The following C6orf118 variants were observed in gnomAD, a reference collection of about 807,000 sequenced individuals.
C6orf118 encodes chromosome 6 open reading frame 118.
C6orf118 carries 50 observed loss-of-function variants against 50.2 expected under a neutral mutation model. The observed-to-expected ratio is 1.00, with a 90% confidence interval of 0.79 to 1.26. C6orf118 has a LOEUF of 1.26. Among genes scored for constraint, C6orf118 ranks in the 50% most tolerant of loss-of-function variants. C6orf118 has a pLI of 0.00. For synonymous variants in C6orf118, 239 were observed against 230.9 expected (o/e 1.03, Z -0.32); for missense variants, 641 against 578.7 (o/e 1.11, Z -1.10).
Position 165,302,027 on chromosome 6 carries a change from C to T in C6orf118, c.295G>A (p.Ala99Thr), listed in dbSNP as rs748193483. 5.0e-6 allele frequency: 8 copies of T among 1,613,274 alleles called. No homozygotes were observed. The highest frequency in any genetic ancestry group is 2.7e-5 in the African/African-American group (2 of 74,894). The change falls in exon 2 of 9, where the codon GCA becomes ACA. Residue 99 changes from alanine (A) to threonine (T), a missense_variant. Coordinates refer to ENST00000230301, the MANE Select transcript of C6orf118 (RefSeq NM_144980.4). ...ERASEVGEPP[A>T]GKVARMKEAL... ...TCCTTCATCCTCGCCACCTTCCCTGCGGGCGGCTCTCCCACCTCAGAGGCG... is the reference window on the plus strand; with the variant it reads ...TCCTTCATCCTCGCCACCTTCCCTGTGGGCGGCTCTCCCACCTCAGAGGCG...
intron 5 of C6orf118, 126 bp downstream of exon 5, chr6:165,297,851 A>C (rs1322904533): frequency 5.1e-6 from 7 of 1,365,118 alleles, no homozygotes; most frequent in Non-Finnish European, 7.2e-6. Flanking sequence ...GACAGGCATG[A>C]TATTAGCAAA....
intron 7 of C6orf118, among the ~76,000 whole-genome samples, chr6:165,288,828 T>C (rs1165731980): frequency 6.6e-6 from 1 of 151,994 alleles, no homozygotes; most frequent in Non-Finnish European, 1.5e-5. Context: ...AGCTAATGCA[T>C]GTTGGGTTTA....
intron 7 of C6orf118, among the ~76,000 whole-genome samples, chr6:165,282,534 G>A (rs1451532045): frequency 2.6e-5 from 4 of 151,912 alleles, no homozygotes; most frequent in African/African-American, 9.7e-5. Flanking sequence ...ACTTCAAAAA[G>A]AGGATTAATA....
intron 8 of C6orf118, among the ~76,000 whole-genome samples, chr6:165,280,600 C>T (rs546726469): frequency 1.4e-4 from 22 of 152,310 alleles, no homozygotes; most frequent in African/African-American, 2.4e-4. Flanking sequence ...GCCTCTCTTA[C>T]GGCTGAGAGT....
chr6:165,296,769 C>A (rs1383620492), intron 5 of C6orf118, among the ~76,000 whole-genome samples: 1 of 152,172 alleles, frequency 6.6e-6, no homozygotes, highest in Admixed American at 6.5e-5. Flanking sequence ...TCTCTGGGAT[C>A]CGTAAGTAAC....
At chr6:165,280,190 T>C in intron 8 of C6orf118, 80 bp from the exon 9 acceptor site, 2 of 987,434 alleles carry the variant, frequency 2.0e-6, no homozygotes, top group South Asian at 3.0e-5. Flanking sequence ...AATAAGCATC[T>C]ATTTTAGACA....
At chr6:165,292,923 T>G (rs1320203145) in intron 6 of C6orf118, among the ~76,000 whole-genome samples, 1 of 152,158 alleles carries the variant, frequency 6.6e-6, no homozygotes, top group Non-Finnish European at 1.5e-5. Flanking sequence ...TGTGAGCATA[T>G]CCTACCAGAC....
chr6:165,288,881 C>T (rs897560752), intron 7 of C6orf118, among the ~76,000 whole-genome samples: 9 of 151,960 alleles, frequency 5.9e-5, no homozygotes, highest in Admixed American at 2.6e-4. Flanking sequence ...ATCACCATCG[C>T]ATACATTTAC....
rs375933861 is a variant in C6orf118, at chr6:165,298,147, G to A, written c.937-46C>T. On this transcript the variant is annotated intron_variant, in intron 4 of 8. Transcript: ENST00000230301. ...GAGGTGAGACAAGCACACAGGGAGGGCGGGAGGACTCCCTTTCTTATTTGT... is the reference window on the plus strand; with the variant it reads ...GAGGTGAGACAAGCACACAGGGAGGACGGGAGGACTCCCTTTCTTATTTGT... 47 of 1,515,458 alleles carry A rather than the reference G, an allele frequency of 3.1e-5. No individual in the cohort carries two copies. In the East Asian group the frequency reaches 5.4e-4, roughly 17 times the overall value. The allele number at this position is 1,515,458 out of a possible 1,614,324, so 93.9% of individuals were successfully genotyped here.
intron 6 of C6orf118, among the ~76,000 whole-genome samples, chr6:165,292,468 CA>C (rs1249794407): frequency 6.6e-6 from 1 of 152,182 alleles, no homozygotes; most frequent in East Asian, 1.9e-4. Flanking sequence ...TAATCTTTGC[CA>C]TTTTTTTATT....
chr6:165,300,669 G>A (rs1038482741), intron 2 of C6orf118, among the ~76,000 whole-genome samples, 183 bp from the exon 3 acceptor site: 2 of 151,774 alleles, frequency 1.3e-5, no homozygotes, highest in Non-Finnish European at 2.9e-5. Flanking sequence ...TGTTTCCCTG[G>A]TCACCCAAGA....
intron 1 of C6orf118, among the ~76,000 whole-genome samples, chr6:165,307,376 T>C (rs1025983237): frequency 1.3e-5 from 2 of 151,458 alleles, no homozygotes; most frequent in African/African-American, 4.9e-5. Flanking sequence ...CTGGCCAACC[T>C]GGCAAAACCT....
Position 165,301,775 on chromosome 6 carries a change from T to G in C6orf118, c.547A>C (p.Lys183Gln). ...RREELRLPDL[K>Q]VLCYQEAGSR... ...CCGGCCTCCTGGTAGCACAGCACCT[T>G]CAAGTCGGGCAGCCGGAGTTCTTCC... The change falls in exon 2 of 9, where the codon AAG becomes CAG. Residue 183 changes from lysine (K) to glutamine (Q), a missense_variant. Coordinates refer to ENST00000230301, the MANE Select transcript of C6orf118 (RefSeq NM_144980.4). 6.2e-7 allele frequency: 1 copy of G among 1,614,028 alleles called. No individual in the cohort carries two copies. The highest frequency in any genetic ancestry group is 8.5e-7 in the Non-Finnish European group (1 of 1,179,984).
chr6:165,309,304 C>A (rs778598969), intron 1 of C6orf118, among the ~76,000 whole-genome samples: 1 of 152,228 alleles, frequency 6.6e-6, no homozygotes, highest in Non-Finnish European at 1.5e-5. Flanking sequence ...CGCGTCCGTC[C>A]GCGCAGGTCC....
chr6:165,290,231 AGGGTATTCCTCCT>A (rs535546477), intron 6 of C6orf118, among the ~76,000 whole-genome samples, 164 bp from the exon 7 acceptor site: 1 of 152,342 alleles, frequency 6.6e-6, no homozygotes, highest in Admixed American at 6.5e-5. Flanking sequence ...CCCCAGAATG[AGGGTATTCCTCCT>A]TTAATTCATT....
intron 7 of C6orf118, among the ~76,000 whole-genome samples, chr6:165,283,936 A>G (rs1258970640): frequency 4.6e-5 from 7 of 152,152 alleles, no homozygotes; most frequent in Non-Finnish European, 8.8e-5. Flanking sequence ...AATGATCTCA[A>G]CACCTCTCCA....
chr6:165,300,625 G>A (rs889989243), intron 2 of C6orf118, 139 bp from the exon 3 acceptor site: 5 of 654,692 alleles, frequency 7.6e-6, no homozygotes, highest in East Asian at 2.7e-5. Context: ...AGTCTCGGGG[G>A]TTCTGATCCC....
chr6:165,280,587 C>T (rs1408981204), intron 8 of C6orf118, among the ~76,000 whole-genome samples: 1 of 152,198 alleles, frequency 6.6e-6, no homozygotes, highest in African/African-American at 2.4e-5. Context: ...GCTCTATGTT[C>T]TGGCCTCTCT....
chr6:165,281,676 C>T lies in C6orf118; in HGVS notation c.1320G>A (p.Leu440=). 3 of 1,495,230 alleles carry T rather than the reference C, an allele frequency of 2.0e-6. No homozygotes were observed. Among genetic ancestry groups the T allele is most frequent in the Middle Eastern group, 1.7e-4 (1 of 5,738 alleles). The allele number at this position is 1,495,230 out of a possible 1,614,324, so 92.6% of individuals were successfully genotyped here. ...TCTTTAAAATCATATTTTCTGTTTC[C>T]AATTGTATAGCTTCATGCTGGAAGA... is the stretch of plus-strand genomic sequence containing the variant. ...IKSIEHEAIQ[L]ETENMILKKK... The change falls in exon 8 of 9, where the codon TTG becomes TTA. Residue 440 remains leucine, a synonymous_variant. Coordinates refer to ENST00000230301, the MANE Select transcript of C6orf118 (RefSeq NM_144980.4).
Sources: gnomAD v4.1 joint callset for allele counts (sites outside exome capture counted in the v4.1 genomes callset) on GRCh38, gnomAD v4.1.1 for gene constraint, MANE v1.5 for transcripts, NCBI Gene and HGNC (gene_info 2026-07-23, HGNC 2026-07-21) for gene names.